Variants in NUP58 observed in about 807,000 individuals in gnomAD.
NUP58 encodes nucleoporin 58.
A neutral mutation model predicts 70.1 loss-of-function variants in NUP58; 17 were observed. The observed-to-expected ratio is 0.24, with a 90% CI of 0.17 to 0.36. The LOEUF (loss-of-function observed/expected upper bound fraction) is 0.36. NUP58 is among the 10% of genes least tolerant of loss of function. NUP58 has a pLI of 1.00. For missense variants in NUP58, 644 were observed against 701.5 expected (o/e 0.92, Z 0.93); for synonymous variants, 275 against 257.6 (o/e 1.07, Z -0.65).
intron 6 of NUP58, among the ~76,000 whole-genome samples, chr13:25,318,617 A>G (rs1361781736): frequency 6.6e-6 from 1 of 152,228 alleles, no homozygotes; most frequent in Non-Finnish European, 1.5e-5. Flanking sequence ...GCAGTTCATG[A>G]AAGAAGAAAT....
At chr13:25,312,243 T>TA (rs1285891272) in intron 3 of NUP58, among the ~76,000 whole-genome samples, 1 of 151,990 alleles carries the variant, frequency 6.6e-6, no homozygotes, top group African/African-American at 2.4e-5. Context: ...TGGTTATTGA[T>TA]AGAGTATTAG....
chr13:25,319,219 T>C, intron 6 of NUP58, 107 bp from the exon 7 acceptor site: 1 of 897,214 alleles, frequency 1.1e-6, no homozygotes, highest in Non-Finnish European at 1.7e-6. Context: ...AAAGAAATGC[T>C]TAACAGTTTA....
At chr13:25,336,263 C>T (rs776330557) in intron 13 of NUP58, 1 of 1,365,182 alleles carries the variant, frequency 7.3e-7, no homozygotes, top group Non-Finnish European at 9.8e-7. Context: ...TCAATTATCA[C>T]TTTTTGTGAA....
intron 14 of NUP58, among the ~76,000 whole-genome samples, chr13:25,337,509 C>CCTAT: frequency 6.6e-6 from 1 of 152,116 alleles, no homozygotes; most frequent in African/African-American, 2.4e-5. Flanking sequence ...GGCAAATTTG[C>CCTAT]CTATATACAT....
chr13:25,333,915 A>T, intron 13 of NUP58: 3 of 985,372 alleles, frequency 3.0e-6, no homozygotes, highest in Non-Finnish European at 3.6e-6. Context: ...TGCATATGAA[A>T]TTTTTATTAA....
At chr13:25,346,808 A>C, downstream of NUP58, among the ~76,000 whole-genome samples, 1 of 152,046 alleles carries the variant, frequency 6.6e-6, no homozygotes, top group East Asian at 1.9e-4. Context: ...GGTGGCTTTG[A>C]GGAATAAATA....
chr13:25,302,049 C>G (rs536402668), intron 1 of NUP58, among the ~76,000 whole-genome samples, 169 bp downstream of exon 1: 1 of 152,256 alleles, frequency 6.6e-6, no homozygotes, highest in African/African-American at 2.4e-5. Flanking sequence ...GCCGCGGTAC[C>G]CGGGCCCAGC....
intron 6 of NUP58, among the ~76,000 whole-genome samples, chr13:25,315,688 GTC>G (rs2030897857): frequency 6.6e-6 from 1 of 151,966 alleles, no homozygotes; most frequent in African/African-American, 2.4e-5. Flanking sequence ...GCATTTGTCT[GTC>G]AGTAACTCTT....
At chr13:25,312,243 TAGA>T in intron 3 of NUP58, among the ~76,000 whole-genome samples, 1 of 151,990 alleles carries the variant, frequency 6.6e-6, no homozygotes, top group Non-Finnish European at 1.5e-5. Context: ...TGGTTATTGA[TAGA>T]GTATTAGAGA....
intron 10 of NUP58, among the ~76,000 whole-genome samples, chr13:25,325,340 A>G (rs145213146): frequency 0.037 from 5,561 of 152,306 alleles, 134 homozygotes; most frequent in Non-Finnish European, 0.055. Flanking sequence ...AGTCTACTCC[A>G]TTTTATTAAA....
chr13:25,313,149 G>T, intron 4 of NUP58, 117 bp downstream of exon 4: 2 of 1,245,952 alleles, frequency 1.6e-6, no homozygotes, highest in Non-Finnish European at 2.2e-6. Context: ...AGAAAATTCA[G>T]CTTTGAGCAT....
chr13:25,332,738 G>C (rs1057340148), intron 13 of NUP58: 1 of 985,368 alleles, frequency 1.0e-6, no homozygotes, highest in Non-Finnish European at 1.2e-6. Context: ...ATAGTGGCTC[G>C]CACGAGCACT....
intron 5 of NUP58, 46 bp downstream of exon 5, chr13:25,313,797 A>ACT: frequency 7.1e-7 from 1 of 1,413,642 alleles, no homozygotes; most frequent in South Asian, 1.6e-5. Context: ...ATTTATATTT[A>ACT]AATGTACTTA....
chr13:25,304,998 T>G (rs1338815085), intron 1 of NUP58, among the ~76,000 whole-genome samples: 1 of 152,222 alleles, frequency 6.6e-6, no homozygotes, highest in Non-Finnish European at 1.5e-5. Context: ...ATATAGCCAT[T>G]ACATACTATA....
intron 13 of NUP58, 23 bp downstream of exon 13, chr13:25,331,581 G>C: frequency 6.2e-7 from 1 of 1,608,904 alleles, no homozygotes; most frequent in Non-Finnish European, 8.5e-7. Flanking sequence ...TCAAGTTATA[G>C]CTTCTTACTG....
chr13:25,304,151 A>G (rs749355690), intron 1 of NUP58, among the ~76,000 whole-genome samples: 2 of 152,158 alleles, frequency 1.3e-5, no homozygotes, highest in Non-Finnish European at 2.9e-5. Flanking sequence ...CTAAGTGCTC[A>G]GTAAATCTTA....
chr13:25,341,252 G>A lies in NUP58; in HGVS notation c.*1118G>A, dbSNP rs188407423. The A allele has an allele frequency of 2.0e-5, 3 of 152,642 alleles. No individual in the cohort carries two copies. Among genetic ancestry groups the A allele is most frequent in the African/African-American group, 4.8e-5 (2 of 41,538 alleles). The allele number at this position is 152,642 out of a possible 1,614,324, so 9.5% of individuals were successfully genotyped here. On this transcript the variant is annotated 3_prime_UTR_variant, in exon 16 of 16. Transcript: ENST00000381736. ...GATTTTAACCATTTTATTATCCTGTGTGTCCTTACATTGCTTCTGTGAGAT... is the reference window on the plus strand; with the variant it reads ...GATTTTAACCATTTTATTATCCTGTATGTCCTTACATTGCTTCTGTGAGAT...
intron 2 of NUP58, among the ~76,000 whole-genome samples, chr13:25,308,886 A>G (rs570201035): frequency 2.0e-5 from 3 of 152,368 alleles, no homozygotes; most frequent in African/African-American, 7.2e-5. Flanking sequence ...AGCCACATCT[A>G]GAAAATGGAA....
In NUP58 at chr13:25,331,256, A is replaced by G. The variant is rs958163731; in HGVS notation, c.1234-101A>G. The G allele has an allele frequency of 4.5e-6, 5 of 1,102,624 alleles. No homozygotes were observed. The Admixed American group carries it at 6.1e-5, about 13-fold the overall frequency. 68.3% of individuals were successfully genotyped at this position (1,102,624 alleles called of 1,614,324 possible). On this transcript the variant is annotated intron_variant, in intron 12 of 15. Transcript: ENST00000381736. ...ATTTGCAGTTTGGATTGAATGTATA[A>G]TATTGGGACTGTCTTTGGTAATTTA... is the stretch of plus-strand genomic sequence containing the variant.
Sources: allele counts gnomAD v4.1 joint callset (sites outside exome capture counted in the v4.1 genomes callset), GRCh38; gene constraint gnomAD v4.1.1; transcripts MANE v1.5; gene names NCBI Gene and HGNC (gene_info 2026-07-23, HGNC 2026-07-21).